Variants in MPP7 observed in about 807,000 individuals in gnomAD.
MPP7 encodes the protein MAGUK p55 subfamily member 7.
MPP7 carries 60 observed loss-of-function variants against 76.5 expected under a neutral mutation model. The ratio of observed to expected loss-of-function variants is 0.78; its 90% CI spans 0.64 to 0.97. The LOEUF is 0.97. Among genes scored for constraint, MPP7 ranks in the 50% least tolerant of loss-of-function variants. The pLI is 0.00. For missense variants in MPP7, 641 were observed against 694.0 expected (o/e 0.92, Z 0.86); for synonymous variants, 237 against 244.5 (o/e 0.97, Z 0.29).
In MPP7 at chr10:28,069,934, A is replaced by G. The variant is rs1003443977; in HGVS notation, c.1124-82T>C. On this transcript the variant is annotated intron_variant, in intron 12 of 16. Transcript: ENST00000683449. Reference sequence around the variant, plus strand: ...TGTAACTGACATGAGTCTCTAAGACAGACTGAAAACATGGATCCAGCTTTG... The same window carrying G: ...TGTAACTGACATGAGTCTCTAAGACGGACTGAAAACATGGATCCAGCTTTG... 6.1e-6 allele frequency: 6 copies of G among 989,528 alleles called. No individual in the cohort carries two copies. The African/African-American group carries it at 9.5e-5, about 16-fold the overall frequency. 61.3% of individuals were successfully genotyped at this position (989,528 alleles called of 1,614,324 possible).
intron 1 of MPP7, among the ~76,000 whole-genome samples, chr10:28,265,858 TA>T (rs1840134083): frequency 6.6e-6 from 1 of 152,204 alleles, no homozygotes; most frequent in East Asian, 1.9e-4. Flanking sequence ...ATTATATTTT[TA>T]AGAGCAAAAA....
chr10:28,271,615 C>T (rs780976432), intron 1 of MPP7, among the ~76,000 whole-genome samples: 4 of 152,072 alleles, frequency 2.6e-5, no homozygotes, highest in Admixed American at 6.6e-5. Context: ...TGGAGAGTAC[C>T]TATTTGAAAT....
intron 1 of MPP7, among the ~76,000 whole-genome samples, chr10:28,332,043 C>T (rs891570989): frequency 2.6e-5 from 4 of 152,158 alleles, no homozygotes; most frequent in African/African-American, 7.2e-5. Context: ...GGTAATTGAA[C>T]AAGCATTTGC....
chr10:28,200,639 C>T (rs2168664), intron 3 of MPP7, among the ~76,000 whole-genome samples: 13 of 152,254 alleles, frequency 8.5e-5, no homozygotes, highest in South Asian at 2.1e-4. Flanking sequence ...TAGCGTGCTA[C>T]GATAATTAAC....
intron 12 of MPP7, among the ~76,000 whole-genome samples, chr10:28,088,840 C>T (rs749670506): frequency 1.3e-5 from 2 of 152,160 alleles, no homozygotes; most frequent in Non-Finnish European, 2.9e-5. Flanking sequence ...TGAGTCAAGG[C>T]AATCGATGTT....
chr10:28,279,105 G>A (rs1432660681), intron 1 of MPP7, among the ~76,000 whole-genome samples: 2 of 151,972 alleles, frequency 1.3e-5, no homozygotes, highest in African/African-American at 4.8e-5. Flanking sequence ...CTAAATGCTG[G>A]TTTGATCTCC....
At chr10:28,202,092 G>A in intron 3 of MPP7, 61 bp downstream of exon 3, 1 of 1,145,560 alleles carries the variant, frequency 8.7e-7, no homozygotes, top group Admixed American at 1.8e-5. Flanking sequence ...TTACTTGGTG[G>A]TGCCCCAAAT....
At chr10:28,293,258 A>G (rs1840964005) in intron 1 of MPP7, among the ~76,000 whole-genome samples, 1 of 152,228 alleles carries the variant, frequency 6.6e-6, no homozygotes, top group Non-Finnish European at 1.5e-5. Context: ...AAGGATATAT[A>G]AATGGCGAAC....
intron 3 of MPP7, among the ~76,000 whole-genome samples, chr10:28,200,860 C>T (rs984653001): frequency 6.6e-6 from 1 of 152,078 alleles, no homozygotes; most frequent in Non-Finnish European, 1.5e-5. Context: ...TGGAGGCATG[C>T]TTATTTAATG....
intron 2 of MPP7, among the ~76,000 whole-genome samples, chr10:28,231,002 T>C (rs1310911306): frequency 2.6e-5 from 4 of 152,134 alleles, no homozygotes; most frequent in East Asian, 1.9e-4. Context: ...TAGACACATA[T>C]AGAAAACTAC....
intron 1 of MPP7, among the ~76,000 whole-genome samples, chr10:28,332,991 T>C (rs887461931): frequency 6.6e-6 from 1 of 151,932 alleles, no homozygotes; most frequent in Non-Finnish European, 1.5e-5. Flanking sequence ...GGAAACCATG[T>C]CAAGTGTCCA....
At chr10:28,243,969 A>G (rs11006944) in intron 1 of MPP7, among the ~76,000 whole-genome samples, 3,147 of 152,340 alleles carry the variant, frequency 0.021, 114 homozygotes, top group African/African-American at 0.069. Context: ...ATAATTTTTA[A>G]GAGTATAGAT....
In MPP7 at chr10:28,135,534, T is replaced by C. The variant is rs1244536622; in HGVS notation, c.316-3843A>G. Among the ~76,000 whole-genome samples, 3 of 152,310 alleles carry C rather than the reference T, an allele frequency of 2.0e-5. No homozygotes were observed. In the East Asian group the frequency reaches 5.8e-4, roughly 29 times the overall value. The stretch of plus-strand genomic sequence containing the variant: ...TTTGGTCATATACAGGGCAGTCCCC[T>C]AAACTCCAGAAATAATTATCCAGCC... On this transcript the variant is annotated intron_variant, in intron 5 of 16. Coordinates refer to ENST00000683449, the MANE Select transcript of MPP7 (RefSeq NM_001318170.2).
intron 1 of MPP7, among the ~76,000 whole-genome samples, chr10:28,258,402 AT>A (rs1839854350): frequency 7.5e-6 from 1 of 133,416 alleles, no homozygotes; most frequent in African/African-American, 2.7e-5. Context: ...ATATATATAT[AT>A]ATAAATTTTT....
chr10:28,289,388 C>T (rs1258244081), intron 1 of MPP7: 2 of 152,152 alleles, frequency 1.3e-5, no homozygotes, highest in Admixed American at 1.3e-4. Context: ...CGTGCGCTTC[C>T]TCCTCTGGTT....
At chr10:28,209,274 G>A (rs1357499447) in intron 2 of MPP7, among the ~76,000 whole-genome samples, 3 of 152,078 alleles carry the variant, frequency 2.0e-5, no homozygotes, top group Non-Finnish European at 2.9e-5. Flanking sequence ...GGACAAGCCT[G>A]GGCAACTTAG....
At chr10:28,277,135 C>T (rs540623027) in intron 1 of MPP7, among the ~76,000 whole-genome samples, 35 of 152,014 alleles carry the variant, frequency 2.3e-4, no homozygotes, top group Admixed American at 2.0e-3. Flanking sequence ...TGCAGTAAGC[C>T]GTGACAGTGT....
chr10:28,090,832 A>C (rs1032995939), intron 11 of MPP7, among the ~76,000 whole-genome samples: 2 of 152,176 alleles, frequency 1.3e-5, no homozygotes, highest in Non-Finnish European at 2.9e-5. Context: ...ATGCTTTCAT[A>C]ATGTGACACA....
chr10:28,292,748 T>A (rs1296066384), intron 1 of MPP7, among the ~76,000 whole-genome samples: 1 of 152,090 alleles, frequency 6.6e-6, no homozygotes, highest in Non-Finnish European at 1.5e-5. Context: ...AAACAAGTTG[T>A]AGCAATAAAA....
Sources: allele counts gnomAD v4.1 joint callset (sites outside exome capture counted in the v4.1 genomes callset), GRCh38; gene constraint gnomAD v4.1.1; transcripts MANE v1.5; gene names NCBI Gene and HGNC (gene_info 2026-07-23, HGNC 2026-07-21).